MAPRE2: variants seen among roughly 807,000 people sequenced by gnomAD.
MAPRE2 encodes microtubule-associated protein RP/EB family member 2.
A neutral mutation model predicts 43.2 loss-of-function variants in MAPRE2; 13 were observed. The ratio of observed to expected loss-of-function variants is 0.30; its 90% confidence interval spans 0.20 to 0.48. The LOEUF is 0.48. Among genes scored for constraint, MAPRE2 ranks in the 20% least tolerant of loss-of-function variants. The pLI is 0.99. For synonymous variants in MAPRE2, 135 were observed against 148.8 expected (o/e 0.91, Z 0.68); for missense variants, 161 against 400.2 (o/e 0.40, Z 5.10).
chr18:35,061,001 A>C (rs116430780), intron 1 of MAPRE2, among the ~76,000 whole-genome samples: 2,800 of 152,318 alleles, frequency 0.018, 84 homozygotes, highest in African/African-American at 0.064. Context: ...AAAAATAATC[A>C]TTAATGGTAA....
intron 1 of MAPRE2, among the ~76,000 whole-genome samples, chr18:34,981,454 C>T (rs2097016168): frequency 6.6e-6 from 1 of 151,944 alleles, no homozygotes; most frequent in Non-Finnish European, 1.5e-5. Context: ...ATATACCTAG[C>T]TCTGTAATAT....
At chr18:35,054,063 T>G (rs975880850) in intron 1 of MAPRE2, among the ~76,000 whole-genome samples, 3 of 152,154 alleles carry the variant, frequency 2.0e-5, no homozygotes, top group Admixed American at 6.6e-5. Flanking sequence ...TTTTAAAAAT[T>G]TTTGTGGTGA....
In MAPRE2 at chr18:35,016,566, G is replaced by A. The variant is rs147830902; in HGVS notation, c.-8+11013G>A. On this transcript the variant is annotated intron_variant, in intron 2 of 7. Coordinates refer to the MAPRE2 transcript ENST00000413393. ...GCATTTCTCTAATTAGTGATGTGGAGCATTTTTCATAAGTTTGTTTGCCAC... is the reference window on the plus strand; with the variant it reads ...GCATTTCTCTAATTAGTGATGTGGAACATTTTTCATAAGTTTGTTTGCCAC... Among the ~76,000 whole-genome samples the A allele has an allele frequency of 6.4e-3, 967 of 152,060 alleles. 4 individuals carry two copies. Among genetic ancestry groups the A allele is most frequent in the Non-Finnish European group, 8.1e-3 (548 of 67,928 alleles).
chr18:35,043,549 G>A (rs565842072), intron 1 of MAPRE2, among the ~76,000 whole-genome samples: 71 of 152,184 alleles, frequency 4.7e-4, no homozygotes, highest in Admixed American at 1.0e-3. Flanking sequence ...TATTATTTGC[G>A]TTTCCTAAAT....
chr18:34,987,355 T>C (rs2097021571), intron 1 of MAPRE2, among the ~76,000 whole-genome samples: 2 of 152,162 alleles, frequency 1.3e-5, no homozygotes, highest in Admixed American at 6.5e-5. Flanking sequence ...AATGCAGAAT[T>C]TGAGACTCCA....
chr18:35,060,023 G>A (rs573968421), intron 1 of MAPRE2, among the ~76,000 whole-genome samples: 6 of 152,314 alleles, frequency 3.9e-5, no homozygotes, highest in African/African-American at 1.2e-4. Context: ...TTTGATGACC[G>A]CATATGCTTC....
At chr18:35,014,800 G>A (rs539034749) in intron 2 of MAPRE2, among the ~76,000 whole-genome samples, 1 of 152,104 alleles carries the variant, frequency 6.6e-6, no homozygotes, top group East Asian at 1.9e-4. Context: ...GGGTACTGTG[G>A]CCCCAGGGAC....
chr18:35,097,441 T>G lies in MAPRE2; in HGVS notation c.251-5T>G, dbSNP rs1569002327. 4 of 1,613,486 alleles carry G rather than the reference T, an allele frequency of 2.5e-6. No homozygotes were observed. The South Asian group carries it at 3.3e-5, about 13-fold the overall frequency. On this transcript the variant is annotated splice_polypyrimidine_tract_variant and splice_region_variant and intron_variant, in intron 2 of 6. Transcript: ENST00000300249. ...CACTCCAGTACTGTTCTTGTTTCTT[T>G]CCAGGAGCGGCCTATTGCCAATTCA...
Position 35,129,155 on chromosome 18 carries a change from CT to C in MAPRE2, c.750+2069del, listed in dbSNP as rs568456547. On this transcript the variant is annotated intron_variant, in intron 5 of 6. Coordinates refer to ENST00000300249, the MANE Select transcript of MAPRE2 (RefSeq NM_014268.4). ...TTCACACCGAGGAATGTGCCTGCCCCTGTCTGTCCCTCAGAAGGAAGACACA... is the reference window on the plus strand; with the variant it reads ...TTCACACCGAGGAATGTGCCTGCCCCGTCTGTCCCTCAGAAGGAAGACACA... Among the ~76,000 whole-genome samples, 409 of 152,366 alleles carry C rather than the reference CT, an allele frequency of 2.7e-3. 2 individuals carry two copies. The highest frequency in any genetic ancestry group is 4.4e-3 in the Non-Finnish European group (296 of 68,042).
chr18:35,095,625 A>G (rs1390919488), intron 2 of MAPRE2, among the ~76,000 whole-genome samples: 1 of 151,826 alleles, frequency 6.6e-6, no homozygotes, highest in Non-Finnish European at 1.5e-5. Flanking sequence ...GTCTCCATAG[A>G]TAAATTTTAT....
chr18:35,140,741 G>A lies in MAPRE2; in HGVS notation c.*372G>A, dbSNP rs181435202. The A allele has an allele frequency of 2.6e-4, 53 of 205,574 alleles. 2 individuals are homozygous for A. In the East Asian group the frequency reaches 5.2e-3, roughly 20 times the overall value. The allele number at this position is 205,574 out of a possible 1,614,324, so 12.7% of individuals were successfully genotyped here. A position where few individuals can be genotyped will look rare whatever the true frequency, so the allele number is the denominator to read the frequency against. ...TGAAACAATGGTAATTTGATATATG[G>A]TATTTATATTGGCATTTTTCAACCC... On this transcript the variant is annotated 3_prime_UTR_variant, in exon 7 of 7. Coordinates refer to ENST00000300249, the MANE Select transcript of MAPRE2 (RefSeq NM_014268.4).
intron 4 of MAPRE2, among the ~76,000 whole-genome samples, chr18:35,115,386 T>C (rs1909365562): frequency 6.6e-6 from 1 of 152,206 alleles, no homozygotes. Context: ...TTTGTTTCAA[T>C]AGTTTTTGGG....
intron 1 of MAPRE2, among the ~76,000 whole-genome samples, chr18:35,002,256 A>G (rs72950554): frequency 0.032 from 4,907 of 152,270 alleles, 128 homozygotes; most frequent in Non-Finnish European, 0.043. Flanking sequence ...TCAGGTTGTT[A>G]CTTTCTATCA....
At chr18:35,065,143 A>G (rs1184997418) in intron 1 of MAPRE2, among the ~76,000 whole-genome samples, 2 of 152,076 alleles carry the variant, frequency 1.3e-5, no homozygotes, top group Non-Finnish European at 2.9e-5. Context: ...AAAAATACCA[A>G]AAAAATTAGC....
At chr18:35,067,060 G>A (rs1906869377) in intron 1 of MAPRE2, among the ~76,000 whole-genome samples, 1 of 152,166 alleles carries the variant, frequency 6.6e-6, no homozygotes, top group African/African-American at 2.4e-5. Context: ...TTCTTAATCT[G>A]TCTTCTAAAC....
At chr18:35,013,206 G>A (rs936039639) in intron 2 of MAPRE2, among the ~76,000 whole-genome samples, 1 of 151,998 alleles carries the variant, frequency 6.6e-6, no homozygotes, top group Non-Finnish European at 1.5e-5. Context: ...AAGTGGAAAG[G>A]GCAGGTTTAG....
rs932868456 is a variant in MAPRE2, at chr18:35,143,300, ATAAG to A, written c.*2935_*2938del. 1 of 152,180 alleles carries A rather than the reference ATAAG, an allele frequency of 6.6e-6. No individual in the cohort carries two copies. Among genetic ancestry groups the A allele is most frequent in the African/African-American group, 2.4e-5 (1 of 41,450 alleles). The allele number at this position is 152,180 out of a possible 1,614,324, so 9.4% of individuals were successfully genotyped here. A position where few individuals can be genotyped will look rare whatever the true frequency, so the allele number is the denominator to read the frequency against. The stretch of plus-strand genomic sequence containing the variant: ...TATGTATTGTTAATTATAAATATAG[ATAAG>A]TAATGACATAATAGATGAAAAAGTC... On this transcript the variant is annotated 3_prime_UTR_variant, in exon 7 of 7. Coordinates refer to ENST00000300249, the MANE Select transcript of MAPRE2 (RefSeq NM_014268.4).
chr18:34,991,207 T>G (rs1197445625), intron 1 of MAPRE2, among the ~76,000 whole-genome samples: 1 of 152,124 alleles, frequency 6.6e-6, no homozygotes, highest in East Asian at 1.9e-4. Context: ...CTCTTCTCTC[T>G]CTCTCCCAAT....
At chr18:35,096,096 T>G (rs1314013897) in intron 2 of MAPRE2, among the ~76,000 whole-genome samples, 2 of 152,190 alleles carry the variant, frequency 1.3e-5, no homozygotes, top group Non-Finnish European at 2.9e-5. Context: ...CTCAGATTGC[T>G]GTCTCAGTAA....
Sources: allele counts gnomAD v4.1 joint callset (sites outside exome capture counted in the v4.1 genomes callset), GRCh38; gene constraint gnomAD v4.1.1; transcripts MANE v1.5; gene names NCBI Gene and HGNC (gene_info 2026-07-23, HGNC 2026-07-21).